The following NADSYN1 variants were observed in gnomAD, a reference collection of about 807,000 sequenced individuals.
NADSYN1 encodes glutamine-dependent NAD(+) synthetase.
Under a neutral mutation model 99.3 loss-of-function variants are expected in NADSYN1, and 80 were observed. The ratio of observed to expected loss-of-function variants is 0.81; its 90% CI spans 0.67 to 0.97. The LOEUF is 0.97. NADSYN1 is among the 50% of genes least tolerant of loss of function. The pLI is 0.00. For synonymous variants in NADSYN1, 385 were observed against 372.1 expected (o/e 1.03, Z -0.40); for missense variants, 859 against 948.5 (o/e 0.91, Z 1.24).
chr11:71,467,800 G>A (rs1344705777), intron 5 of NADSYN1, among the ~76,000 whole-genome samples: 1 of 152,214 alleles, frequency 6.6e-6, no homozygotes. Context: ...AGAAGAGGCG[G>A]TATTTGAAAG....
rs756274540 is a variant in NADSYN1, at chr11:71,485,590, T to C, written c.1504T>C (p.Trp502Arg). The change falls in exon 16 of 21, where the codon TGG becomes CGG. Residue 502 changes from tryptophan (W) to arginine (R), a missense_variant. Transcript: ENST00000319023. Reference protein sequence around the residue: ...LAYLFAQLSLWSRGVHGGLLV... With the variant: ...LAYLFAQLSLRSRGVHGGLLV... ...CTATCTGTTTGCTCAGTTGAGCCTC[T>C]GGTCTCGGGGTGTCCACGGTGGGCT... is the stretch of plus-strand genomic sequence containing the variant. The C allele has an allele frequency of 6.4e-7, 1 of 1,563,204 alleles. No individual in the cohort carries two copies.
intron 5 of NADSYN1, among the ~76,000 whole-genome samples, chr11:71,466,330 C>A (rs1949589336): frequency 6.6e-6 from 1 of 152,336 alleles, no homozygotes; most frequent in African/African-American, 2.4e-5. Flanking sequence ...AGCCTCTAGA[C>A]CTCAAGACCA....
At chr11:71,476,155 G>A (rs775414478) in intron 9 of NADSYN1, 16 of 455,716 alleles carry the variant, frequency 3.5e-5, no homozygotes, top group African/African-American at 1.0e-4. Flanking sequence ...CTCCACTCTC[G>A]GGCTCAGACC....
chr11:71,462,040 G>A lies in NADSYN1; in HGVS notation c.264-1392G>A, dbSNP rs143175957. On this transcript the variant is annotated intron_variant, in intron 3 of 20. Coordinates refer to ENST00000319023, the MANE Select transcript of NADSYN1 (RefSeq NM_018161.5). Reference sequence around the variant, plus strand: ...TTTGGGAGGAAGAATCAAGGCTGATGTCAACCAGAAATAAAATTCTAAGGC... The same window carrying A: ...TTTGGGAGGAAGAATCAAGGCTGATATCAACCAGAAATAAAATTCTAAGGC... 3.3e-3 allele frequency among the ~76,000 whole-genome samples: 502 copies of A among 152,306 alleles called. 4 individuals are homozygous for A. The highest frequency in any genetic ancestry group is 0.011 in the African/African-American group (458 of 41,564).
At chr11:71,461,966 G>A (rs1421272465) in intron 3 of NADSYN1, among the ~76,000 whole-genome samples, 2 of 152,326 alleles carry the variant, frequency 1.3e-5, no homozygotes, top group African/African-American at 2.4e-5. Flanking sequence ...AGCCAGGACC[G>A]GGGCAGGCAG....
chr11:71,482,593 G>A (rs1170791977), intron 13 of NADSYN1: 4 of 421,800 alleles, frequency 9.5e-6, no homozygotes, highest in African/African-American at 8.7e-5. Context: ...ACCTGGGGGT[G>A]TAGACCGGGG....
chr11:71,477,644 G>A (rs898164944), intron 9 of NADSYN1, among the ~76,000 whole-genome samples: 7 of 152,194 alleles, frequency 4.6e-5, no homozygotes, highest in Admixed American at 1.3e-4. Context: ...TGCATATACC[G>A]CAATTGGCAG....
intron 3 of NADSYN1, among the ~76,000 whole-genome samples, chr11:71,462,587 G>T (rs954942013): frequency 6.6e-6 from 1 of 152,160 alleles, no homozygotes; most frequent in African/African-American, 2.4e-5. Context: ...TGTCAGGAGT[G>T]CATCCTTCAC....
At chr11:71,481,532 T>C in intron 12 of NADSYN1, 128 bp downstream of exon 12, 1 of 943,946 alleles carries the variant, frequency 1.1e-6, no homozygotes, top group Non-Finnish European at 1.6e-6. Flanking sequence ...TTCATCACTC[T>C]GCCTCCATGG....
At chr11:71,501,246 A>C in intron 20 of NADSYN1, 56 bp from the exon 21 acceptor site, 1 of 1,443,130 alleles carries the variant, frequency 6.9e-7, no homozygotes, top group Non-Finnish European at 9.2e-7. Flanking sequence ...CCAGTGTTTC[A>C]ACAGCCCCAC....
At chr11:71,460,759 G>A (rs1949545405) in intron 3 of NADSYN1, 1 of 152,124 alleles carries the variant, frequency 6.6e-6, no homozygotes, top group Non-Finnish European at 1.5e-5. Flanking sequence ...AACAAAACAA[G>A]AGTTTTATCA....
At chr11:71,474,882 C>T (rs1949654695) in intron 9 of NADSYN1, 1 of 355,696 alleles carries the variant, frequency 2.8e-6, no homozygotes, top group Non-Finnish European at 5.5e-6. Flanking sequence ...ACACACAGCA[C>T]ATAGTAGTGG....
At chr11:71,469,339 G>C (rs2120430658) in intron 5 of NADSYN1, among the ~76,000 whole-genome samples, 2 of 152,278 alleles carry the variant, frequency 1.3e-5, no homozygotes, top group Admixed American at 1.3e-4. Flanking sequence ...GGGCGTTGTG[G>C]TGTGCACCTG....
chr11:71,466,899 T>C (rs2120424087), intron 5 of NADSYN1: 1 of 152,308 alleles, frequency 6.6e-6, no homozygotes, highest in South Asian at 2.1e-4. Context: ...GGCGCAAAGC[T>C]GGCTTTTGCC....
intron 18 of NADSYN1, chr11:71,497,093 G>A: frequency 4.0e-6 from 1 of 248,106 alleles, no homozygotes; most frequent in Non-Finnish European, 7.9e-6. Flanking sequence ...GCCCAGGCTG[G>A]CCTTAAACCC....
chr11:71,484,175 T>C, intron 14 of NADSYN1, 137 bp from the exon 15 acceptor site: 1 of 1,311,406 alleles, frequency 7.6e-7, no homozygotes, highest in South Asian at 1.4e-5. Context: ...GCACTGTGGA[T>C]TGCTAAACAC....
At chr11:71,455,209 C>T (rs751360027) in intron 2 of NADSYN1, 39 bp downstream of exon 2, 11 of 1,541,982 alleles carry the variant, frequency 7.1e-6, no homozygotes, top group East Asian at 2.2e-5. Flanking sequence ...CGTCAGCTAG[C>T]GATACCAGCA....
In NADSYN1 at chr11:71,474,476, A is replaced by G. The variant is rs375469546; in HGVS notation, c.748A>G (p.Met250Val). ...CTACGACGGCTGTGCCATGATTGCC[A>G]TGAACGGAAGCGTCTTTGCTCAAGG... ...LYYDGCAMIA[M>V]NGSVFAQGSQ... is the part of the protein sequence containing the mutation. The change falls in exon 9 of 21, where the codon ATG (methionine) becomes GTG (valine). Residue 250 changes from methionine (M) to valine (V), a missense_variant. Met to Val is a conservative substitution (Grantham distance 21, BLOSUM62 1). Transcript: ENST00000319023. 5 of 1,614,092 alleles carry G rather than the reference A, an allele frequency of 3.1e-6. No homozygotes were observed. In the African/African-American group the frequency reaches 5.3e-5, roughly 17 times the overall value.
chr11:71,477,076 G>T, intron 9 of NADSYN1: 3 of 1,103,668 alleles, frequency 2.7e-6, no homozygotes, highest in South Asian at 2.2e-5. Context: ...CTTGTGACAC[G>T]TGGAATCATT....
Sources: gnomAD v4.1 joint callset for allele counts (sites outside exome capture counted in the v4.1 genomes callset) on GRCh38, gnomAD v4.1.1 for gene constraint, MANE v1.5 for transcripts, NCBI Gene and HGNC (gene_info 2026-07-23, HGNC 2026-07-21) for gene names.